PRKCH: variants seen among roughly 807,000 people sequenced by gnomAD.
The protein encoded by PRKCH is protein kinase C eta type.
Under a neutral mutation model 82.5 loss-of-function variants are expected in PRKCH, and 28 were observed. The ratio of observed to expected loss-of-function variants is 0.34; its 90% CI spans 0.25 to 0.47. The LOEUF (loss-of-function observed/expected upper bound fraction) is 0.47. PRKCH is among the 20% of genes least tolerant of loss of function. PRKCH has a pLI of 1.00. For synonymous variants in PRKCH, 322 were observed against 327.4 expected (o/e 0.98, Z 0.18); for missense variants, 705 against 881.8 (o/e 0.80, Z 2.54).
At position 61,372,915 on chromosome 14, in the gene PRKCH, C is replaced by A. The variant is rs1030112361; in HGVS notation, c.364-18310C>A. Among the ~76,000 whole-genome samples the A allele has an allele frequency of 3.0e-4, 46 of 152,038 alleles. 1 individual carries two copies. Among genetic ancestry groups the A allele is most frequent in the Non-Finnish European group, 2.9e-5 (2 of 68,032 alleles). On this transcript the variant is annotated intron_variant, in intron 1 of 13. Coordinates refer to ENST00000332981, the MANE Select transcript of PRKCH (RefSeq NM_006255.5). ...CAATTTCACTGCCCTAAAAAAAATT[C>A]TCTGATAGGCCTCAACTCATCATTT...
At chr14:61,530,289 A>C in intron 11 of PRKCH, 118 bp from the exon 12 acceptor site, 1 of 1,121,894 alleles carries the variant, frequency 8.9e-7, no homozygotes. Context: ...TTGCTAGCAC[A>C]GGAGACTTTT....
chr14:61,336,597 G>A (rs913201161), intron 1 of PRKCH, among the ~76,000 whole-genome samples: 3 of 152,176 alleles, frequency 2.0e-5, no homozygotes, highest in Admixed American at 2.0e-4. Context: ...ACAGAAAGAG[G>A]CCTTTGAAAA....
chr14:61,318,291 C>G (rs549777153), upstream of PRKCH, among the ~76,000 whole-genome samples: 3 of 151,870 alleles, frequency 2.0e-5, no homozygotes, highest in South Asian at 2.1e-4. Flanking sequence ...CCAGGCTGCT[C>G]TCTAGGCTCA....
chr14:61,530,760 TACCCTCTCTTATGCAATAG>T (rs1443425840), intron 12 of PRKCH, among the ~76,000 whole-genome samples, 165 bp downstream of exon 12: 1 of 152,248 alleles, frequency 6.6e-6, no homozygotes, highest in Non-Finnish European at 1.5e-5. Flanking sequence ...GTCAGGCTGT[TACCCTCTCTTATGCAATAG>T]ACCCTCTCTT....
intron 10 of PRKCH, among the ~76,000 whole-genome samples, chr14:61,519,642 C>T (rs1489383417): frequency 1.3e-5 from 2 of 151,324 alleles, no homozygotes; most frequent in Non-Finnish European, 2.9e-5. Flanking sequence ...ACGTGGTCTT[C>T]AGCAAGATAT....
Position 61,252,372 on chromosome 14 carries a change from G to A in PRKCH, c.-19+64704G>A, listed in dbSNP as rs79025207. Among the ~76,000 whole-genome samples, 17 of 152,276 alleles carry A rather than the reference G, an allele frequency of 1.1e-4. No individual in the cohort carries two copies. In the East Asian group the frequency reaches 2.9e-3, roughly 26 times the overall value. ...CCTTTCCCATGCACCCACAGATTTG[G>A]GATCTGGTCTCAACAACCCATGTGA... is the stretch of plus-strand genomic sequence containing the variant. On this transcript the variant is annotated intron_variant, in intron 1 of 3. Coordinates refer to the PRKCH transcript ENST00000555185.
At chr14:61,266,383 A>C (rs1230508919) in intron 1 of PRKCH, among the ~76,000 whole-genome samples, 1 of 152,158 alleles carries the variant, frequency 6.6e-6, no homozygotes, top group African/African-American at 2.4e-5. Context: ...GTGCCACTGA[A>C]CTCCAGCCTG....
intron 1 of PRKCH, among the ~76,000 whole-genome samples, chr14:61,265,987 C>T (rs1194012757): frequency 2.0e-5 from 3 of 152,202 alleles, no homozygotes; most frequent in Non-Finnish European, 2.9e-5. Flanking sequence ...CCTAGCTACT[C>T]GGGAGGCTAA....
intron 5 of PRKCH, among the ~76,000 whole-genome samples, chr14:61,449,706 TA>T (rs1393014078): frequency 2.0e-5 from 3 of 152,222 alleles, no homozygotes; most frequent in Non-Finnish European, 4.4e-5. Context: ...TCCTCAGTCT[TA>T]AAACAGGATC....
chr14:61,208,900 G>A (rs992960349), intron 1 of PRKCH, among the ~76,000 whole-genome samples: 6 of 152,122 alleles, frequency 3.9e-5, no homozygotes, highest in Non-Finnish European at 5.9e-5. Flanking sequence ...TAATTAGGTC[G>A]TTAGATGGGA....
At chr14:61,433,046 A>AAAAAAAAAAAAAAAAG (rs1201210322) in intron 2 of PRKCH, among the ~76,000 whole-genome samples, 1 of 139,772 alleles carries the variant, frequency 7.2e-6, no homozygotes, top group African/African-American at 3.0e-5. Context: ...ACCTCTTCAA[A>AAAAAAAAAAAAAAAAG]AAAAAAAAAA....
At chr14:61,523,623 A>G (rs2042931722) in intron 10 of PRKCH, among the ~76,000 whole-genome samples, 1 of 152,236 alleles carries the variant, frequency 6.6e-6, no homozygotes, top group East Asian at 1.9e-4. Flanking sequence ...CATTCAGTAT[A>G]TGTTAACCAC....
At chr14:61,236,235 C>T (rs956363805) in intron 1 of PRKCH, among the ~76,000 whole-genome samples, 2 of 150,830 alleles carry the variant, frequency 1.3e-5, no homozygotes, top group South Asian at 2.1e-4. Context: ...CTGGGCGTAG[C>T]AGTGTCAGAG....
intron 1 of PRKCH, among the ~76,000 whole-genome samples, chr14:61,258,979 A>AT (rs1158770039): frequency 1.3e-5 from 2 of 152,152 alleles, no homozygotes; most frequent in African/African-American, 4.8e-5. Context: ...CCTGGATTCT[A>AT]TTTTTATTTC....
chr14:61,269,129 A>AT (rs1316220577), intron 1 of PRKCH, among the ~76,000 whole-genome samples: 2 of 152,160 alleles, frequency 1.3e-5, no homozygotes, highest in African/African-American at 4.8e-5. Flanking sequence ...AGAGCCAAAA[A>AT]TTTTTTCTTT....
At chr14:61,424,254 C>T (rs1457112411) in intron 2 of PRKCH, among the ~76,000 whole-genome samples, 1 of 152,096 alleles carries the variant, frequency 6.6e-6, no homozygotes, top group Non-Finnish European at 1.5e-5. Flanking sequence ...TGGGGTACTG[C>T]TATAAAGATA....
chr14:61,409,703 C>CAAAAAAAAA (rs56238869), intron 2 of PRKCH, among the ~76,000 whole-genome samples: 1 of 56,112 alleles, frequency 1.8e-5, no homozygotes, highest in Non-Finnish European at 3.2e-5. Context: ...GACCCTGTCT[C>CAAAAAAAAA]AAAAAAAAAA....
At chr14:61,443,376 T>C in intron 3 of PRKCH, 115 bp downstream of exon 3, 1 of 1,148,672 alleles carries the variant, frequency 8.7e-7, no homozygotes, top group Non-Finnish European at 1.2e-6. Flanking sequence ...CAGGATCTGA[T>C]TTTTGCCTCT....
chr14:61,519,149 G>A (rs2042868857), intron 10 of PRKCH, among the ~76,000 whole-genome samples: 1 of 152,090 alleles, frequency 6.6e-6, no homozygotes, highest in African/African-American at 2.4e-5. Context: ...CGGGTGTGGT[G>A]ATGTGTGCCT....
Sources: allele counts gnomAD v4.1 joint callset (sites outside exome capture counted in the v4.1 genomes callset), GRCh38; gene constraint gnomAD v4.1.1; transcripts MANE v1.5; gene names NCBI Gene and HGNC (gene_info 2026-07-23, HGNC 2026-07-21).